RPRD2: variants seen among roughly 807,000 people sequenced by gnomAD.
RPRD2 encodes regulation of nuclear pre-mRNA domain-containing protein 2.
In RPRD2, 12 loss-of-function variants were observed where a neutral mutation model predicts 104.4. The observed-to-expected ratio is 0.11, with a 90% CI of 0.07 to 0.19. The LOEUF (loss-of-function observed/expected upper bound fraction) is 0.19, where lower values mean the gene tolerates loss of function less well. RPRD2 is among the 10% of genes least tolerant of loss of function. The pLI is 1.00. For missense variants in RPRD2, 1,543 were observed against 1,790.1 expected (o/e 0.86, Z 2.49); for synonymous variants, 714 against 684.9 (o/e 1.04, Z -0.66).
chr1:150,464,215 G>A (rs1363157006), intron 9 of RPRD2, among the ~76,000 whole-genome samples: 2 of 151,864 alleles, frequency 1.3e-5, no homozygotes, highest in East Asian at 1.9e-4. Flanking sequence ...CCCCATGTTG[G>A]TCAGGCTGGT....
intron 1 of RPRD2, among the ~76,000 whole-genome samples, chr1:150,366,152 G>T (rs1370656811): frequency 1.3e-5 from 2 of 152,208 alleles, no homozygotes; most frequent in African/African-American, 4.8e-5. Flanking sequence ...AGAAGAGAGG[G>T]TTAACTCATA....
At chr1:150,464,168 C>T (rs1289317858) in intron 9 of RPRD2, among the ~76,000 whole-genome samples, 2 of 152,002 alleles carry the variant, frequency 1.3e-5, no homozygotes, top group Non-Finnish European at 2.9e-5. Flanking sequence ...TGCCACCATA[C>T]CCGGCTAATT....
chr1:150,422,943 A>G (rs1470661339), intron 2 of RPRD2, among the ~76,000 whole-genome samples: 1 of 152,208 alleles, frequency 6.6e-6, no homozygotes, highest in Non-Finnish European at 1.5e-5. Context: ...GTACTTATCC[A>G]GTTATTTCAG....
intron 7 of RPRD2, among the ~76,000 whole-genome samples, chr1:150,455,201 G>A (rs1355989611): frequency 3.3e-5 from 5 of 152,030 alleles, no homozygotes; most frequent in Middle Eastern, 3.2e-3. Flanking sequence ...TGTCAAGATC[G>A]TCAAAACCAG....
intron 1 of RPRD2, among the ~76,000 whole-genome samples, chr1:150,410,301 T>C (rs1312912514): frequency 1.3e-5 from 2 of 152,118 alleles, no homozygotes; most frequent in Non-Finnish European, 2.9e-5. Flanking sequence ...TAGAATAATA[T>C]GATCAATTTA....
At chr1:150,391,587 A>G (rs782560076) in intron 1 of RPRD2, among the ~76,000 whole-genome samples, 28 of 152,364 alleles carry the variant, frequency 1.8e-4, no homozygotes, top group Middle Eastern at 6.8e-3. Context: ...CATTTCCTGT[A>G]TGAGATATTT....
chr1:150,417,499 T>A (rs1279065513), intron 1 of RPRD2, 97 bp from the exon 2 acceptor site: 1 of 957,372 alleles, frequency 1.0e-6, no homozygotes, highest in Non-Finnish European at 1.5e-6. Flanking sequence ...AAAAAAAAAA[T>A]AACCAGTTAC....
At chr1:150,372,651 T>G (rs1458397277) in intron 1 of RPRD2, among the ~76,000 whole-genome samples, 2 of 152,024 alleles carry the variant, frequency 1.3e-5, no homozygotes, top group Non-Finnish European at 2.9e-5. Flanking sequence ...GGGTTTGCAG[T>G]TTTACATTAA....
intron 1 of RPRD2, among the ~76,000 whole-genome samples, chr1:150,395,287 G>A (rs182032888): frequency 6.6e-6 from 1 of 152,054 alleles, no homozygotes; most frequent in African/African-American, 2.4e-5. Context: ...ACTTCACTTA[G>A]AATAGTAGCC....
At chr1:150,422,433 T>C (rs1664836278) in intron 2 of RPRD2, among the ~76,000 whole-genome samples, 1 of 151,854 alleles carries the variant, frequency 6.6e-6, no homozygotes, top group Non-Finnish European at 1.5e-5. Context: ...ATTCCTTTTC[T>C]GAATTTTTTT....
At chr1:150,458,406 A>G (rs1667693367) in intron 8 of RPRD2, among the ~76,000 whole-genome samples, 1 of 151,454 alleles carries the variant, frequency 6.6e-6, no homozygotes, top group African/African-American at 2.4e-5. Flanking sequence ...GTGAGCCAAG[A>G]CCATGTCACT....
chr1:150,447,388 G>A (rs188066772), intron 7 of RPRD2, among the ~76,000 whole-genome samples: 1,610 of 149,150 alleles, frequency 0.011, 21 homozygotes, highest in Non-Finnish European at 0.016. Context: ...AGGCTGGAGT[G>A]TAATGGCGTG....
At chr1:150,465,791 G>A (rs1165392179) in intron 10 of RPRD2, among the ~76,000 whole-genome samples, 2 of 152,098 alleles carry the variant, frequency 1.3e-5, no homozygotes, top group Non-Finnish European at 2.9e-5. Flanking sequence ...AGGTGCAGTT[G>A]CTCACGCCTG....
chr1:150,418,075 C>A (rs1409761209), intron 2 of RPRD2, among the ~76,000 whole-genome samples: 1 of 152,058 alleles, frequency 6.6e-6, no homozygotes, highest in Non-Finnish European at 1.5e-5. Context: ...TCAAGCAATT[C>A]TCTTGCCTCA....
At chr1:150,366,311 T>C (rs1450919078) in intron 1 of RPRD2, among the ~76,000 whole-genome samples, 1 of 152,248 alleles carries the variant, frequency 6.6e-6, no homozygotes, top group Non-Finnish European at 1.5e-5. Context: ...AACAGATAGA[T>C]AAAACTTGCA....
At chr1:150,373,533 C>CTTTTTTTTTTTTT (rs56743462) in intron 1 of RPRD2, among the ~76,000 whole-genome samples, 10 of 97,414 alleles carry the variant, frequency 1.0e-4, no homozygotes, top group Middle Eastern at 6.8e-3. Context: ...TCAAGAATGA[C>CTTTTTTTTTTTTT]TTTTTTTTTT....
intron 1 of RPRD2, among the ~76,000 whole-genome samples, chr1:150,388,493 C>CA (rs60455979): frequency 4.1e-5 from 6 of 144,998 alleles, no homozygotes; most frequent in Admixed American, 2.2e-4. Context: ...ATATATATAC[C>CA]CGCGCACACA....
At chr1:150,369,039 C>A (rs988418895) in intron 1 of RPRD2, among the ~76,000 whole-genome samples, 1 of 152,180 alleles carries the variant, frequency 6.6e-6, no homozygotes. Context: ...TTATTTGTTG[C>A]CCTGTCCCCA....
intron 1 of RPRD2, among the ~76,000 whole-genome samples, chr1:150,400,023 G>A (rs587638565): frequency 6.6e-6 from 1 of 152,200 alleles, no homozygotes; most frequent in East Asian, 1.9e-4. Context: ...TCATAAATAT[G>A]GTATATCTCG....
Sources: gnomAD v4.1 joint callset for allele counts (sites outside exome capture counted in the v4.1 genomes callset) on GRCh38, gnomAD v4.1.1 for gene constraint, MANE v1.5 for transcripts, NCBI Gene and HGNC (gene_info 2026-07-23, HGNC 2026-07-21) for gene names.